ANKRD13A: variants seen among roughly 807,000 people sequenced by gnomAD.
The protein encoded by ANKRD13A is ankyrin repeat domain-containing protein 13A.
Under a neutral mutation model 81.3 loss-of-function variants are expected in ANKRD13A, and 48 were observed. The ratio of observed to expected loss-of-function variants is 0.59; its 90% CI spans 0.47 to 0.75. The LOEUF is 0.75. Ranked by LOEUF, ANKRD13A falls within the 30% of genes least tolerant of loss-of-function variation. The probability of loss-of-function intolerance (pLI) is 0.00; values close to 1 mark genes in which losing one functional copy is unlikely to be tolerated. For missense variants in ANKRD13A, 612 were observed against 734.0 expected (o/e 0.83, Z 1.92); for synonymous variants, 230 against 270.1 (o/e 0.85, Z 1.45).
intron 1 of ANKRD13A, among the ~76,000 whole-genome samples, chr12:110,005,935 G>C (rs529415741): frequency 2.6e-5 from 4 of 152,160 alleles, no homozygotes; most frequent in African/African-American, 9.6e-5. Flanking sequence ...TCCTGTCTCA[G>C]CCTCCCTAGT....
At chr12:110,007,324 A>C (rs1890288556) in intron 1 of ANKRD13A, among the ~76,000 whole-genome samples, 1 of 152,128 alleles carries the variant, frequency 6.6e-6, no homozygotes, top group Non-Finnish European at 1.5e-5. Flanking sequence ...TTAAACCATG[A>C]GCATAAGGAT....
chr12:110,003,988 C>A (rs1890114601), intron 1 of ANKRD13A, among the ~76,000 whole-genome samples: 1 of 152,090 alleles, frequency 6.6e-6, no homozygotes, highest in African/African-American at 2.4e-5. Context: ...GAAACCCCAT[C>A]TTTGCTAAAA....
At position 110,020,903 on chromosome 12, in the gene ANKRD13A, GT is replaced by G. The variant is rs754853546; in HGVS notation, c.734+1576del. ...TCTGGAGATGAAATCTCCAAAGTCT[GT>G]GACTCTTAAGATGTCTTGAGAAGAG... On this transcript the variant is annotated intron_variant, in intron 6 of 14. Coordinates refer to ENST00000261739, the MANE Select transcript of ANKRD13A (RefSeq NM_033121.2). 1.1e-4 allele frequency among the ~76,000 whole-genome samples: 17 copies of G among 152,326 alleles called. No individual in the cohort carries two copies. In the Middle Eastern group the frequency reaches 0.017, roughly 152 times the overall value.
intron 2 of ANKRD13A, 138 bp from the exon 3 acceptor site, chr12:110,012,987 A>G: frequency 2.4e-6 from 2 of 841,266 alleles, no homozygotes; most frequent in Admixed American, 2.8e-5. Flanking sequence ...ATCAGAAGTC[A>G]TGATCATCCT....
intron 6 of ANKRD13A, chr12:110,021,070 C>T (rs941635022): frequency 5.1e-5 from 23 of 453,246 alleles, no homozygotes; most frequent in African/African-American, 2.0e-4. Context: ...CCATTTGTAC[C>T]GAGGACTAAG....
At chr12:110,023,984 C>T (rs1287741125) in intron 6 of ANKRD13A, 62 bp from the exon 7 acceptor site, 2 of 1,500,614 alleles carry the variant, frequency 1.3e-6, no homozygotes, top group Non-Finnish European at 1.8e-6. Flanking sequence ...ATAAAGGCTA[C>T]AGATATAAAT....
intron 1 of ANKRD13A, among the ~76,000 whole-genome samples, chr12:110,009,651 T>A (rs1207720259): frequency 6.6e-6 from 1 of 152,094 alleles, no homozygotes; most frequent in African/African-American, 2.4e-5. Context: ...AATTACAGCA[T>A]TTTTTTTCGA....
intron 1 of ANKRD13A, among the ~76,000 whole-genome samples, chr12:110,010,434 C>T (rs549152701): frequency 5.3e-5 from 8 of 152,248 alleles, no homozygotes; most frequent in South Asian, 2.1e-4. Flanking sequence ...ATAAGTTCAT[C>T]GTCTTGTTAC....
Position 110,033,830 on chromosome 12 carries a change from C to A in ANKRD13A, c.1382C>A (p.Ser461Tyr), listed in dbSNP as rs138034856. 4.7e-4 allele frequency: 748 copies of A among 1,608,498 alleles called. 1 individual carries two copies. Among genetic ancestry groups the A allele is most frequent in the Non-Finnish European group, 1.2e-4 (136 of 1,177,366 alleles). The change falls in exon 13 of 15, where the codon TCT becomes TAT. Residue 461 changes from serine (S) to tyrosine (Y), a missense_variant. Coordinates refer to ENST00000261739, the MANE Select transcript of ANKRD13A (RefSeq NM_033121.2). ...ATCACAAACTTTGAGGTTGATCAAT[C>A]TGTGTTTGAAATTCCCGAATCTTAC... ...SHITNFEVDQSVFEIPESYYV... is the reference protein window; with the variant it reads ...SHITNFEVDQYVFEIPESYYV...
chr12:110,037,305 C>A, intron 14 of ANKRD13A, 54 bp from the exon 15 acceptor site: 1 of 1,532,994 alleles, frequency 6.5e-7, no homozygotes, highest in Non-Finnish European at 8.9e-7. Context: ...GTTACTGCTG[C>A]CACCATGATG....
chr12:110,013,060 T>C lies in ANKRD13A; in HGVS notation c.230-65T>C, dbSNP rs1890609513. The C allele has an allele frequency of 2.5e-6, 4 of 1,586,058 alleles. No homozygotes were observed. The African/African-American group carries it at 5.4e-5, about 21-fold the overall frequency. ...ATACTGGTCTTTGATCTAGATACTT[T>C]TTCAGCCTGGTTTTGGAATTTGTCA... On this transcript the variant is annotated intron_variant, in intron 2 of 14. Coordinates refer to ENST00000261739, the MANE Select transcript of ANKRD13A (RefSeq NM_033121.2).
chr12:110,015,624 G>A (rs1198344515), intron 3 of ANKRD13A, among the ~76,000 whole-genome samples: 1 of 151,552 alleles, frequency 6.6e-6, no homozygotes, highest in Non-Finnish European at 1.5e-5. Flanking sequence ...TCGGCTCATG[G>A]CAACCTCTGC....
intron 3 of ANKRD13A, among the ~76,000 whole-genome samples, chr12:110,015,137 G>A (rs141072526): frequency 3.3e-5 from 5 of 152,062 alleles, no homozygotes; most frequent in African/African-American, 1.2e-4. Context: ...TACAGGAATG[G>A]TAGGTAAGAA....
At chr12:110,003,762 TA>T (rs1890100968) in intron 1 of ANKRD13A, among the ~76,000 whole-genome samples, 1 of 152,152 alleles carries the variant, frequency 6.6e-6, no homozygotes, top group African/African-American at 2.4e-5. Flanking sequence ...GGCAAGATAG[TA>T]AAGAGGGCTT....
intron 3 of ANKRD13A, among the ~76,000 whole-genome samples, chr12:110,015,628 C>T (rs1890751366): frequency 6.6e-6 from 1 of 151,674 alleles, no homozygotes; most frequent in South Asian, 2.1e-4. Flanking sequence ...CTCATGGCAA[C>T]CTCTGCCTCC....
chr12:110,030,520 G>T, intron 11 of ANKRD13A, 125 bp from the exon 12 acceptor site: 3 of 479,130 alleles, frequency 6.3e-6, no homozygotes, highest in Non-Finnish European at 1.1e-5. Context: ...GGGAAGGGTT[G>T]TTATGAGGCT....
At chr12:110,011,600 A>G (rs1890529355) in intron 1 of ANKRD13A, among the ~76,000 whole-genome samples, 1 of 152,210 alleles carries the variant, frequency 6.6e-6, no homozygotes, top group South Asian at 2.1e-4. Flanking sequence ...AAGGTCCTAT[A>G]CTTCCTATTC....
At chr12:110,025,657 TG>T in intron 7 of ANKRD13A, 84 bp from the exon 8 acceptor site, 1 of 951,466 alleles carries the variant, frequency 1.1e-6, no homozygotes, top group South Asian at 1.5e-5. Flanking sequence ...TTCTGTTTTT[TG>T]CTTCAGCATT....
intron 13 of ANKRD13A, among the ~76,000 whole-genome samples, chr12:110,035,214 A>C (rs1466772595): frequency 6.6e-6 from 1 of 152,210 alleles, no homozygotes; most frequent in Non-Finnish European, 1.5e-5. Flanking sequence ...CCAGCTCCCA[A>C]GTAGCTTCAT....
Sources: gnomAD v4.1 joint callset for allele counts (sites outside exome capture counted in the v4.1 genomes callset) on GRCh38, gnomAD v4.1.1 for gene constraint, MANE v1.5 for transcripts, NCBI Gene and HGNC (gene_info 2026-07-23, HGNC 2026-07-21) for gene names.